The following PCDHGA2 variants were observed in gnomAD, a reference collection of about 807,000 sequenced individuals.
PCDHGA2 encodes protocadherin gamma-A2.
Under a neutral mutation model 59.2 loss-of-function variants are expected in PCDHGA2, and 40 were observed. That is an observed-to-expected ratio of 0.68 (90% CI 0.52 to 0.88). PCDHGA2 has a LOEUF of 0.88. Among genes scored for constraint, PCDHGA2 ranks in the 40% least tolerant of loss-of-function variants. The pLI, the probability that PCDHGA2 is intolerant of heterozygous loss-of-function variation, is 0.00. For synonymous variants in PCDHGA2, 560 were observed against 526.0 expected, an observed-to-expected ratio of 1.06 and a Z score of -0.89; for missense variants, 1,226 against 1,204.0, an observed-to-expected ratio of 1.02 and a Z score of -0.27.
In PCDHGA2 at chr5:141,491,163, C is replaced by T; in HGVS notation, c.2425-3644C>T. On this transcript the variant is annotated intron_variant, in intron 1 of 3. Transcript: ENST00000394576. The surrounding 1 kb of genome is among the most constrained non-coding windows in gnomAD (Gnocchi z 6.9). ...CCTTACTGGAGGATGACTCTGACAC[C>T]CAGCAGGTGGTGGTCCTGGTGAGGG... is the stretch of plus-strand genomic sequence containing the variant. 1 of 1,614,092 alleles carries T rather than the reference C, an allele frequency of 6.2e-7. No homozygotes were observed. Among genetic ancestry groups the T allele is most frequent in the Non-Finnish European group, 8.5e-7 (1 of 1,179,950 alleles).
At chr5:141,356,145 T>C (rs1358999264) in intron 1 of PCDHGA2, 3 of 1,613,584 alleles carry the variant, frequency 1.9e-6, no homozygotes, top group Non-Finnish European at 2.5e-6. Context: ...CTGGATTCTA[T>C]GACATAGATG....
At chr5:141,503,479 G>A (rs1203644194) in intron 2 of PCDHGA2, among the ~76,000 whole-genome samples, 5 of 151,616 alleles carry the variant, frequency 3.3e-5, no homozygotes, top group African/African-American at 9.7e-5. Context: ...TGCACTTGTC[G>A]TCCCAGCTGC....
intron 1 of PCDHGA2, chr5:141,426,713 AC>A: frequency 2.2e-6 from 1 of 445,196 alleles, no homozygotes; most frequent in Middle Eastern, 3.3e-4. Flanking sequence ...AAATCAATGA[AC>A]TAGCAATTCC....
intron 1 of PCDHGA2, chr5:141,365,543 T>C: frequency 6.2e-7 from 1 of 1,613,830 alleles, no homozygotes. Context: ...CTATCACCTA[T>C]TAACAACTAG....
intron 1 of PCDHGA2, chr5:141,415,851 T>A: frequency 8.1e-7 from 1 of 1,228,614 alleles, no homozygotes; most frequent in Non-Finnish European, 1.1e-6. Flanking sequence ...TTGCAGAACC[T>A]TGTAGTTTAT....
intron 1 of PCDHGA2, chr5:141,404,496 A>G (rs773471878): frequency 2.7e-5 from 43 of 1,613,778 alleles, no homozygotes; most frequent in East Asian, 2.2e-5. Context: ...GGTGTGCTGT[A>G]TGCTCTGTGC....
Position 141,429,441 on chromosome 5 carries a change from T to C in PCDHGA2, c.2425-65366T>C, listed in dbSNP as rs541676798. On this transcript the variant is annotated intron_variant, in intron 1 of 3. Transcript: ENST00000394576. ...TGTTGCCCAGGCTGGACTCAAACTCTTGGGCTACAGTAATCCTCCCACCTC... is the reference window on the plus strand; with the variant it reads ...TGTTGCCCAGGCTGGACTCAAACTCCTGGGCTACAGTAATCCTCCCACCTC... 1.5e-4 allele frequency among the ~76,000 whole-genome samples: 23 copies of C among 152,170 alleles called. No individual in the cohort carries two copies. The South Asian group carries it at 4.6e-3, about 30-fold the overall frequency.
intron 1 of PCDHGA2, among the ~76,000 whole-genome samples, chr5:141,465,159 A>C (rs1333891587): frequency 6.6e-6 from 1 of 151,952 alleles, no homozygotes; most frequent in East Asian, 1.9e-4. Flanking sequence ...AGGGACTCTA[A>C]ATGTTTATGA....
intron 1 of PCDHGA2, among the ~76,000 whole-genome samples, chr5:141,436,613 A>C (rs1334315821): frequency 1.3e-5 from 2 of 152,206 alleles, no homozygotes; most frequent in Non-Finnish European, 2.9e-5. Flanking sequence ...AGGGCTAACA[A>C]AAATCTGATT....
intron 1 of PCDHGA2, chr5:141,423,427 G>A: frequency 1.2e-6 from 2 of 1,614,010 alleles, no homozygotes; most frequent in Non-Finnish European, 1.7e-6. Flanking sequence ...AGGCGGGTTG[G>A]CAGGTATGCC....
intron 1 of PCDHGA2, chr5:141,392,124 A>G (rs1448052063): frequency 1.3e-5 from 2 of 152,226 alleles, no homozygotes; most frequent in Admixed American, 1.3e-4. Flanking sequence ...GAAAGCTTGT[A>G]AAATGATTAA....
Position 141,491,445 on chromosome 5 carries a change from C to G in PCDHGA2, c.2425-3362C>G. ...GAGGGCAGTGCTGCAGGCGCCAGGACTCACCCTCCCCGGACTTCTATAAGC... is the reference window on the plus strand; with the variant it reads ...GAGGGCAGTGCTGCAGGCGCCAGGAGTCACCCTCCCCGGACTTCTATAAGC... On this transcript the variant is annotated intron_variant, in intron 1 of 3. Coordinates refer to ENST00000394576, the MANE Select transcript of PCDHGA2 (RefSeq NM_018915.4). This position sits in a 1 kb window ranked among gnomAD's most constrained non-coding sequence, Gnocchi z 6.9. 6.2e-7 allele frequency: 1 copy of G among 1,614,112 alleles called. No individual in the cohort carries two copies. Among genetic ancestry groups the G allele is most frequent in the Non-Finnish European group, 8.5e-7 (1 of 1,180,032 alleles).
Position 141,511,349 on chromosome 5 carries a change from C to T in PCDHGA2, c.*176C>T, listed in dbSNP as rs1463242262. The T allele has an allele frequency of 2.1e-6, 3 of 1,401,380 alleles. No homozygotes were observed. The highest frequency in any genetic ancestry group is 2.9e-5 in the African/African-American group (2 of 68,826). 86.8% of individuals were successfully genotyped at this position (1,401,380 alleles called of 1,614,324 possible). The stretch of plus-strand genomic sequence containing the variant: ...GCCCAGTCAGCACCTACCCCTTCCC[C>T]CCCAGGGGGTTGAATATGCAAAAGC... On this transcript the variant is annotated 3_prime_UTR_variant, in exon 4 of 4. Transcript: ENST00000394576.
chr5:141,423,877 C>G, intron 1 of PCDHGA2: 1 of 1,283,890 alleles, frequency 7.8e-7, no homozygotes, highest in South Asian at 3.4e-5. Flanking sequence ...ATTTTTCAAT[C>G]TTGGCATATT....
At position 141,339,236 on chromosome 5, in the gene PCDHGA2, A is replaced by G. The variant is rs984287557; in HGVS notation, c.265A>G (p.Arg89Gly). ...PRSGSLVTANRIDREELCAQS... is the reference protein window; with the variant it reads ...PRSGSLVTANGIDREELCAQS... ...AAGCGGCAGCTTGGTCACTGCGAACAGGATAGACCGGGAGGAGCTCTGCGC... is the reference window on the plus strand; with the variant it reads ...AAGCGGCAGCTTGGTCACTGCGAACGGGATAGACCGGGAGGAGCTCTGCGC... The change falls in exon 1 of 4, where the codon AGG becomes GGG. Residue 89 changes from arginine to glycine, a missense_variant. Physicochemically the swap from Arg to Gly is moderately radical, Grantham distance 125. Coordinates refer to ENST00000394576, the MANE Select transcript of PCDHGA2 (RefSeq NM_018915.4). 4 of 1,614,150 alleles carry G rather than the reference A, an allele frequency of 2.5e-6. No individual in the cohort carries two copies. In the East Asian group the frequency reaches 6.7e-5, roughly 27 times the overall value.
chr5:141,477,878 C>A lies in PCDHGA2; in HGVS notation c.2425-16929C>A. ...GCTGCCTCGAGGTACCTCAGCTGGC[C>A]ACCTAGTGTCACGGGTGGTAGGCTG... is the stretch of plus-strand genomic sequence containing the variant. On this transcript the variant is annotated intron_variant, in intron 1 of 3. Transcript: ENST00000394576. The surrounding 1 kb of genome is among the most constrained non-coding windows in gnomAD (Gnocchi z 4.9). 1.2e-6 allele frequency: 2 copies of A among 1,614,158 alleles called. No individual in the cohort carries two copies. Among genetic ancestry groups the A allele is most frequent in the Non-Finnish European group, 1.7e-6 (2 of 1,180,008 alleles).
chr5:141,394,859 C>A, intron 1 of PCDHGA2: 1 of 1,613,758 alleles, frequency 6.2e-7, no homozygotes. Context: ...AGCCTTCGGT[C>A]GACCCGAACG....
chr5:141,484,805 A>G (rs1594417928), intron 1 of PCDHGA2, among the ~76,000 whole-genome samples: 1 of 151,896 alleles, frequency 6.6e-6, no homozygotes, highest in East Asian at 1.9e-4. Context: ...CCGTGGAAAA[A>G]CATGCCGTTG....
chr5:141,485,067 C>G lies in PCDHGA2; in HGVS notation c.2425-9740C>G, dbSNP rs944494894. On this transcript the variant is annotated intron_variant, in intron 1 of 3. Transcript: ENST00000394576. This position sits in a 1 kb window ranked among gnomAD's most constrained non-coding sequence, Gnocchi z 5.7. Reference sequence around the variant, plus strand: ...CGGCGCCGGCCGAACCGCGCCAGAGCTGGCGCGGGGAAAGGGAGATAGGTG... The same window carrying G: ...CGGCGCCGGCCGAACCGCGCCAGAGGTGGCGCGGGGAAAGGGAGATAGGTG... 21 of 894,418 alleles carry G rather than the reference C, an allele frequency of 2.3e-5. No individual in the cohort carries two copies. The highest frequency in any genetic ancestry group is 1.8e-4 in the Admixed American group (8 of 43,320). 55.4% of individuals were successfully genotyped at this position (894,418 alleles called of 1,614,324 possible). A position where few individuals can be genotyped will look rare whatever the true frequency, so the allele number is the denominator to read the frequency against.
Sources: gnomAD v4.1 joint callset for allele counts (sites outside exome capture counted in the v4.1 genomes callset) on GRCh38, gnomAD v4.1.1 for gene constraint, Gnocchi (gnomAD v3.1) non-coding constraint, MANE v1.5 for transcripts, NCBI Gene and HGNC (gene_info 2026-07-23, HGNC 2026-07-21) for gene names.